The following PCDHGB1 variants were observed in gnomAD, a reference collection of about 807,000 sequenced individuals.
PCDHGB1 encodes the protein protocadherin gamma subfamily B, 1, also known as protocadherin gamma-B1.
A neutral mutation model predicts 56.6 loss-of-function variants in PCDHGB1; 34 were observed. The ratio of observed to expected loss-of-function variants is 0.60; its 90% CI spans 0.46 to 0.80. The LOEUF is 0.80. PCDHGB1 is among the 30% of genes least tolerant of loss of function. PCDHGB1 has a pLI of 0.00. For synonymous variants in PCDHGB1, 561 were observed against 505.9 expected, an observed-to-expected ratio of 1.11 and a Z score of -1.46; for missense variants, 1,278 against 1,204.6, an observed-to-expected ratio of 1.06 and a Z score of -0.90.
Position 141,432,538 on chromosome 5 carries a change from G to T in PCDHGB1, c.2410-62269G>T, listed in dbSNP as rs200601557. 1 of 1,613,908 alleles carries T rather than the reference G, an allele frequency of 6.2e-7. No individual in the cohort carries two copies. Among genetic ancestry groups the T allele is most frequent in the African/African-American group, 1.3e-5 (1 of 74,936 alleles). Reference sequence around the variant, plus strand: ...GCTACCTGGTGACCAAGGTGGTGGCGGTGGACAGAGACTCCGGCCAGAACG... The same window carrying T: ...GCTACCTGGTGACCAAGGTGGTGGCTGTGGACAGAGACTCCGGCCAGAACG... On this transcript the variant is annotated intron_variant, in intron 1 of 3. Coordinates refer to ENST00000523390, the MANE Select transcript of PCDHGB1 (RefSeq NM_018922.3). This position sits in a 1 kb window ranked among gnomAD's most constrained non-coding sequence, Gnocchi z 6.0.
chr5:141,486,673 A>G lies in PCDHGB1; in HGVS notation c.2410-8134A>G. On this transcript the variant is annotated intron_variant, in intron 1 of 3. Transcript: ENST00000523390. The surrounding 1 kb of genome is among the most constrained non-coding windows in gnomAD (Gnocchi z 5.0). ...ACTCACTCCTGGAGCCCAGGAATCG[A>G]GATGTATCAGCTTCCTCTTTCATCT... The G allele has an allele frequency of 6.2e-7, 1 of 1,614,014 alleles. No homozygotes were observed. The highest frequency in any genetic ancestry group is 2.2e-5 in the East Asian group (1 of 44,866).
intron 1 of PCDHGB1, chr5:141,370,540 A>C (rs1443482874): frequency 1.9e-6 from 3 of 1,613,508 alleles, no homozygotes; most frequent in African/African-American, 1.3e-5. Context: ...CTGGTAGGGA[A>C]CCTCGCCAAG....
chr5:141,408,770 A>G, intron 1 of PCDHGB1: 1 of 1,611,540 alleles, frequency 6.2e-7, no homozygotes. Flanking sequence ...CGATGGTGGC[A>G]AATACCCAGA....
In PCDHGB1 at chr5:141,370,422, C is replaced by A. The variant is rs780716652; in HGVS notation, c.2409+17753C>A. 1.9e-6 allele frequency: 3 copies of A among 1,581,408 alleles called. No homozygotes were observed. The South Asian group carries it at 3.5e-5, about 18-fold the overall frequency. ...GGGAAATAGCTCCGGATGGAGGGGC[C>A]CAGCAGGGCAGAGGCGAATGCTATT... On this transcript the variant is annotated intron_variant, in intron 1 of 3. Transcript: ENST00000523390.
chr5:141,489,165 G>T lies in PCDHGB1; in HGVS notation c.2410-5642G>T. ...GAAGGAGACATAAGAGACTTCAGCT[G>T]CTGCATTCCAAGCCCTGGGTCTACC... On this transcript the variant is annotated intron_variant, in intron 1 of 3. Coordinates refer to ENST00000523390, the MANE Select transcript of PCDHGB1 (RefSeq NM_018922.3). This position sits in a 1 kb window ranked among gnomAD's most constrained non-coding sequence, Gnocchi z 4.5. 9.2e-7 allele frequency: 1 copy of T among 1,082,084 alleles called. No homozygotes were observed. Among genetic ancestry groups the T allele is most frequent in the Non-Finnish European group, 1.3e-6 (1 of 745,856 alleles). 67.0% of individuals were successfully genotyped at this position (1,082,084 alleles called of 1,614,324 possible).
chr5:141,415,654 A>ATTGGT, intron 1 of PCDHGB1: 1 of 1,573,242 alleles, frequency 6.4e-7, no homozygotes, highest in Non-Finnish European at 8.6e-7. Flanking sequence ...AAAAAAAAAG[A>ATTGGT]TTGGTTTTTA....
At chr5:141,499,331 TCA>T (rs2099791249) in intron 2 of PCDHGB1, among the ~76,000 whole-genome samples, 1 of 152,220 alleles carries the variant, frequency 6.6e-6, no homozygotes, top group African/African-American at 2.4e-5. Context: ...CTGCTCTCTC[TCA>T]GTTTGGGCAG....
chr5:141,404,909 C>CCT, intron 1 of PCDHGB1: 1 of 1,613,916 alleles, frequency 6.2e-7, no homozygotes, highest in Non-Finnish European at 8.5e-7. Context: ...TGGCCAGCCC[C>CCT]CTCTCTCGGC....
intron 1 of PCDHGB1, chr5:141,357,554 G>C: frequency 1.2e-6 from 2 of 1,614,220 alleles, no homozygotes; most frequent in Non-Finnish European, 1.7e-6. Context: ...CGGGAGAGTT[G>C]TGAGAAAAGC....
intron 1 of PCDHGB1, chr5:141,398,616 C>T (rs922729367): frequency 6.2e-7 from 1 of 1,614,020 alleles, no homozygotes; most frequent in Non-Finnish European, 8.5e-7. Flanking sequence ...CAGATATTGG[C>T]TTAAACTCTC....
At chr5:141,372,842 A>G in intron 1 of PCDHGB1, 1 of 1,515,016 alleles carries the variant, frequency 6.6e-7, no homozygotes, top group Middle Eastern at 1.7e-4. Context: ...TTCCATAAAT[A>G]TAATTGGGTT....
At chr5:141,419,152 G>A (rs2096335735) in intron 1 of PCDHGB1, 25 of 1,613,916 alleles carry the variant, frequency 1.5e-5, no homozygotes, top group East Asian at 4.5e-5. Context: ...GCAAGCCTCC[G>A]TTATCCTCCA....
intron 1 of PCDHGB1, chr5:141,383,806 A>C: frequency 6.2e-7 from 1 of 1,614,006 alleles, no homozygotes; most frequent in Non-Finnish European, 8.5e-7. Context: ...AGAAATATCA[A>C]CTTTAGAAGG....
intron 3 of PCDHGB1, among the ~76,000 whole-genome samples, chr5:141,510,566 A>G (rs2154594633): frequency 6.6e-6 from 1 of 152,288 alleles, no homozygotes; most frequent in South Asian, 2.1e-4. Flanking sequence ...TACATCTACC[A>G]GGCACTATTT....
At position 141,491,448 on chromosome 5, in the gene PCDHGB1, A is replaced by G; in HGVS notation, c.2410-3359A>G. ...GGCAGTGCTGCAGGCGCCAGGACTC[A>G]CCCTCCCCGGACTTCTATAAGCAGT... On this transcript the variant is annotated intron_variant, in intron 1 of 3. Coordinates refer to ENST00000523390, the MANE Select transcript of PCDHGB1 (RefSeq NM_018922.3). The surrounding 1 kb of genome is among the most constrained non-coding windows in gnomAD (Gnocchi z 6.9). The G allele has an allele frequency of 6.2e-7, 1 of 1,613,792 alleles. No homozygotes were observed. The highest frequency in any genetic ancestry group is 8.5e-7 in the Non-Finnish European group (1 of 1,179,986).
chr5:141,490,380 T>C lies in PCDHGB1; in HGVS notation c.2410-4427T>C, dbSNP rs1246254637. 1 of 1,614,204 alleles carries C rather than the reference T, an allele frequency of 6.2e-7. No individual in the cohort carries two copies. ...TTAATGTGCGAGACCGGGACTCAGGTAGAAATGGTGAAGTGAGCCTTGATA... is the reference window on the plus strand; with the variant it reads ...TTAATGTGCGAGACCGGGACTCAGGCAGAAATGGTGAAGTGAGCCTTGATA... On this transcript the variant is annotated intron_variant, in intron 1 of 3. Coordinates refer to ENST00000523390, the MANE Select transcript of PCDHGB1 (RefSeq NM_018922.3). This position sits in a 1 kb window ranked among gnomAD's most constrained non-coding sequence, Gnocchi z 5.4.
intron 1 of PCDHGB1, among the ~76,000 whole-genome samples, chr5:141,358,064 C>T (rs1760807784): frequency 6.6e-6 from 1 of 152,118 alleles, no homozygotes; most frequent in African/African-American, 2.4e-5. Flanking sequence ...GTGGTGTGTG[C>T]CCGTAGTCCC....
intron 1 of PCDHGB1, among the ~76,000 whole-genome samples, chr5:141,483,164 T>C (rs1051456583): frequency 1.1e-4 from 17 of 152,148 alleles, no homozygotes; most frequent in Non-Finnish European, 2.5e-4. Context: ...AGATCCTGAG[T>C]TACCTTTGGG....
chr5:141,374,328 G>A, intron 1 of PCDHGB1: 5 of 1,613,996 alleles, frequency 3.1e-6, no homozygotes, highest in Non-Finnish European at 4.2e-6. Context: ...CCGCGAAACG[G>A]CAGCTTGGTC....
Sources: gnomAD v4.1 joint callset for allele counts (sites outside exome capture counted in the v4.1 genomes callset) on GRCh38, gnomAD v4.1.1 for gene constraint, Gnocchi (gnomAD v3.1) non-coding constraint, MANE v1.5 for transcripts, NCBI Gene and HGNC (gene_info 2026-07-23, HGNC 2026-07-21) for gene names.